NEGR1: variants seen among roughly 807,000 people sequenced by gnomAD.
The protein encoded by NEGR1 is IgLON family member 4.
In NEGR1, 10 loss-of-function variants were observed where a neutral mutation model predicts 40.9. That is an observed-to-expected ratio of 0.24 (90% CI 0.15 to 0.42). The LOEUF is 0.42. Among genes scored for constraint, NEGR1 ranks in the 10% least tolerant of loss-of-function variants. NEGR1 has a pLI of 1.00. For synonymous variants in NEGR1, 185 were observed against 166.8 expected, an observed-to-expected ratio of 1.11 and a Z score of -0.84; for missense variants, 352 against 438.9, an observed-to-expected ratio of 0.80 and a Z score of 1.77.
At chr1:72,125,241 C>T (rs1027252700) in intron 1 of NEGR1, among the ~76,000 whole-genome samples, 2 of 151,962 alleles carry the variant, frequency 1.3e-5, no homozygotes, top group Non-Finnish European at 2.9e-5. Context: ...AAGCTTCAAT[C>T]TTACTGAGAA....
intron 1 of NEGR1, among the ~76,000 whole-genome samples, chr1:72,253,069 G>T (rs1332194459): frequency 3.3e-5 from 5 of 152,028 alleles, no homozygotes; most frequent in Non-Finnish European, 4.4e-5. Flanking sequence ...TGGGTGCATT[G>T]GCTCTTTTAG....
At chr1:72,163,327 GAAGTT>G (rs776314131) in intron 1 of NEGR1, among the ~76,000 whole-genome samples, 1 of 152,034 alleles carries the variant, frequency 6.6e-6, no homozygotes, top group Non-Finnish European at 1.5e-5. Flanking sequence ...CCTATGACGT[GAAGTT>G]AACAATAAAA....
intron 1 of NEGR1, among the ~76,000 whole-genome samples, chr1:72,013,668 T>G (rs1162174042): frequency 1.3e-5 from 2 of 151,986 alleles, no homozygotes; most frequent in Non-Finnish European, 2.9e-5. Flanking sequence ...AAGTATTAAT[T>G]GAATATTATG....
intron 1 of NEGR1, among the ~76,000 whole-genome samples, chr1:72,254,052 C>A (rs1655185915): frequency 6.6e-6 from 1 of 152,162 alleles, no homozygotes; most frequent in African/African-American, 2.4e-5. Flanking sequence ...CTAACAGTAA[C>A]TAGAATGGCC....
chr1:72,142,026 G>A (rs1650696839), intron 1 of NEGR1, among the ~76,000 whole-genome samples: 1 of 151,916 alleles, frequency 6.6e-6, no homozygotes. Context: ...ACTGTACCCA[G>A]GCAATCATCA....
intron 1 of NEGR1, among the ~76,000 whole-genome samples, chr1:72,159,973 TTAAA>T (rs1651494721): frequency 6.6e-6 from 1 of 152,056 alleles, no homozygotes; most frequent in Non-Finnish European, 1.5e-5. Context: ...CAAAGTTAAA[TTAAA>T]TAGATTTTAT....
intron 1 of NEGR1, among the ~76,000 whole-genome samples, chr1:72,232,350 T>G (rs1435749537): frequency 7.0e-6 from 1 of 143,094 alleles, no homozygotes. Flanking sequence ...AGCCAGATTC[T>G]GTCAAAAAAA....
At chr1:72,239,584 T>G (rs1654668492) in intron 1 of NEGR1, among the ~76,000 whole-genome samples, 1 of 151,758 alleles carries the variant, frequency 6.6e-6, no homozygotes, top group Non-Finnish European at 1.5e-5. Context: ...CAATTTGAAG[T>G]GAAACTACAA....
intron 2 of NEGR1, among the ~76,000 whole-genome samples, chr1:71,778,785 A>G (rs1656601221): frequency 6.6e-6 from 1 of 152,230 alleles, no homozygotes; most frequent in Admixed American, 6.5e-5. Flanking sequence ...TTATTTGGTC[A>G]ATACTGTCTG....
chr1:71,674,300 C>T (rs1652534970), intron 4 of NEGR1, among the ~76,000 whole-genome samples: 1 of 152,070 alleles, frequency 6.6e-6, no homozygotes, highest in African/African-American at 2.4e-5. Flanking sequence ...TAATTTGTCA[C>T]CTGCAGAAAT....
intron 1 of NEGR1, among the ~76,000 whole-genome samples, chr1:71,993,343 TAAG>T (rs1646472299): frequency 1.3e-5 from 2 of 152,158 alleles, no homozygotes; most frequent in South Asian, 4.1e-4. Flanking sequence ...AGAGGAGACT[TAAG>T]AGCGCCAACT....
rs1024024034 is a variant in NEGR1 at position 71,705,182 on chromosome 1, T to C, written c.536-7043A>G. On this transcript the variant is annotated intron_variant, in intron 3 of 6. Coordinates refer to ENST00000357731, the MANE Select transcript of NEGR1 (RefSeq NM_173808.3). Reference sequence around the variant, plus strand: ...TGATGAAATGATGTTTTCTTACTAATATGAGGATGAAGGCAAGGTTATCTA... The same window carrying C: ...TGATGAAATGATGTTTTCTTACTAACATGAGGATGAAGGCAAGGTTATCTA... 3.3e-5 allele frequency among the ~76,000 whole-genome samples: 5 copies of C among 152,242 alleles called. No homozygotes were observed. In the South Asian group the frequency reaches 8.3e-4, roughly 25 times the overall value.
At chr1:71,504,629 G>C (rs925466141) in intron 6 of NEGR1, among the ~76,000 whole-genome samples, 2 of 152,142 alleles carry the variant, frequency 1.3e-5, no homozygotes, top group Non-Finnish European at 2.9e-5. Context: ...ATTTGAAGGT[G>C]GGACCCGAGG....
intron 4 of NEGR1, among the ~76,000 whole-genome samples, chr1:71,649,096 G>A (rs1379702272): frequency 6.6e-6 from 1 of 151,942 alleles, no homozygotes; most frequent in East Asian, 1.9e-4. Flanking sequence ...AGAAGCATGT[G>A]TAAAAATGTC....
intron 1 of NEGR1, chr1:72,274,565 G>A: frequency 2.6e-6 from 2 of 761,582 alleles, no homozygotes; most frequent in Non-Finnish European, 4.9e-6. Context: ...AAACTTTACA[G>A]TGAGTCTTTG....
Position 71,583,121 on chromosome 1 carries a change from A to AAAATAAAT in NEGR1, c.940+9688_940+9695dup, listed in dbSNP as rs56672219. Among the ~76,000 whole-genome samples, 264 of 149,372 alleles carry AAAATAAAT rather than the reference A, an allele frequency of 1.8e-3. 2 individuals are homozygous for AAAATAAAT. The highest frequency in any genetic ancestry group is 6.2e-3 in the African/African-American group (251 of 40,656). ...ATAAGAGGAAGGGATACAGAAAGTAAAAATAAATAAATAAATAAATAAATA... is the reference window on the plus strand; with the variant it reads ...ATAAGAGGAAGGGATACAGAAAGTAAAAATAAATAAATAAATAAATAAATAAATAAATA... On this transcript the variant is annotated intron_variant, in intron 6 of 6. Coordinates refer to ENST00000357731, the MANE Select transcript of NEGR1 (RefSeq NM_173808.3).
At chr1:71,604,421 T>C in intron 5 of NEGR1, among the ~76,000 whole-genome samples, 1 of 152,002 alleles carries the variant, frequency 6.6e-6, no homozygotes, top group Non-Finnish European at 1.5e-5. Context: ...CTCAAAAATA[T>C]AAGAAGGGGA....
chr1:71,510,709 C>T (rs1342045720), intron 6 of NEGR1, among the ~76,000 whole-genome samples: 2 of 152,120 alleles, frequency 1.3e-5, no homozygotes, highest in South Asian at 2.1e-4. Flanking sequence ...GAGGGACTTG[C>T]GTTCTAGGAG....
chr1:71,900,066 T>G (rs899939275), intron 2 of NEGR1, among the ~76,000 whole-genome samples: 8 of 152,208 alleles, frequency 5.3e-5, no homozygotes, highest in Non-Finnish European at 7.3e-5. Flanking sequence ...TTTCCATTTC[T>G]CTACCTCCAG....
Sources: allele counts gnomAD v4.1 joint callset (sites outside exome capture counted in the v4.1 genomes callset), GRCh38; gene constraint gnomAD v4.1.1; transcripts MANE v1.5; gene names NCBI Gene and HGNC (gene_info 2026-07-23, HGNC 2026-07-21).